Variants in CNTNAP2 observed in about 807,000 individuals in gnomAD.
The protein encoded by CNTNAP2 is contactin associated protein 2.
CNTNAP2 carries 98 observed loss-of-function variants against 155.2 expected under a neutral mutation model. The observed-to-expected ratio is 0.63, with a 90% CI of 0.54 to 0.75. The LOEUF (loss-of-function observed/expected upper bound fraction) is 0.75. Among genes scored for constraint, CNTNAP2 ranks in the 30% least tolerant of loss-of-function variants. The probability of loss-of-function intolerance (pLI) is 0.00; values close to 1 mark genes in which losing one functional copy is unlikely to be tolerated. For missense variants in CNTNAP2, 1,727 were observed against 1,688.1 expected (o/e 1.02, Z -0.40); for synonymous variants, 651 against 631.2 (o/e 1.03, Z -0.47).
intron 1 of CNTNAP2, among the ~76,000 whole-genome samples, chr7:146,191,985 A>G (rs1049239779): frequency 3.9e-5 from 6 of 152,230 alleles, no homozygotes; most frequent in African/African-American, 1.4e-4. Context: ...AGACAGGCAT[A>G]GGAAATCACA....
chr7:147,210,567 T>A (rs1803125873), intron 8 of CNTNAP2, among the ~76,000 whole-genome samples: 1 of 151,958 alleles, frequency 6.6e-6, no homozygotes, highest in African/African-American at 2.4e-5. Flanking sequence ...TGATTCTTTG[T>A]AATGGTTTTT....
chr7:147,214,125 A>G (rs1202780971), intron 8 of CNTNAP2, among the ~76,000 whole-genome samples: 1 of 152,170 alleles, frequency 6.6e-6, no homozygotes, highest in Admixed American at 6.6e-5. Context: ...GTCAACACCT[A>G]AAATTAACCA....
At chr7:148,120,776 C>G (rs1464491651) in intron 16 of CNTNAP2, among the ~76,000 whole-genome samples, 2 of 152,128 alleles carry the variant, frequency 1.3e-5, no homozygotes, top group African/African-American at 4.8e-5. Flanking sequence ...TCCCTCAGAG[C>G]CCCCTGTATC....
intron 11 of CNTNAP2, among the ~76,000 whole-genome samples, chr7:147,532,425 C>T (rs1035217946): frequency 2.6e-5 from 4 of 152,194 alleles, no homozygotes; most frequent in Admixed American, 1.3e-4. Context: ...TCACTATCAG[C>T]ATTTTGGACA....
intron 15 of CNTNAP2, among the ~76,000 whole-genome samples, chr7:148,034,289 C>G (rs558563504): frequency 5.3e-5 from 8 of 152,236 alleles, no homozygotes; most frequent in Non-Finnish European, 7.4e-5. Context: ...TCCTCATTAT[C>G]AGGGCTATGG....
At chr7:147,860,283 G>A (rs909772261) in intron 13 of CNTNAP2, among the ~76,000 whole-genome samples, 1 of 152,064 alleles carries the variant, frequency 6.6e-6, no homozygotes. Flanking sequence ...AAATTAGCTG[G>A]GCACGGTGGT....
rs1471132518 is a variant in CNTNAP2, at chr7:146,970,454, GA to G, written c.403-73447del. 5.9e-5 allele frequency among the ~76,000 whole-genome samples: 9 copies of G among 152,262 alleles called. No individual in the cohort carries two copies. The East Asian group carries it at 1.7e-3, about 29-fold the overall frequency. ...ACATTTATGCAGCCAAAAAATACAT[GA>G]AAAAATGCTCACCATCACTGTCCAT... On this transcript the variant is annotated intron_variant, in intron 3 of 23. Coordinates refer to ENST00000361727, the MANE Select transcript of CNTNAP2 (RefSeq NM_014141.6).
intron 15 of CNTNAP2, among the ~76,000 whole-genome samples, chr7:148,000,257 G>C (rs1287818589): frequency 6.6e-6 from 1 of 152,160 alleles, no homozygotes; most frequent in Non-Finnish European, 1.5e-5. Flanking sequence ...CTCCATTCCT[G>C]GTGCTCCTCT....
intron 1 of CNTNAP2, among the ~76,000 whole-genome samples, chr7:146,722,766 C>G (rs1470398083): frequency 6.6e-6 from 1 of 152,062 alleles, no homozygotes; most frequent in Non-Finnish European, 1.5e-5. Flanking sequence ...CCTGTAATCC[C>G]AGCACTTTGG....
chr7:146,693,213 A>G (rs1268730796), intron 1 of CNTNAP2, among the ~76,000 whole-genome samples: 2 of 152,116 alleles, frequency 1.3e-5, no homozygotes, highest in Non-Finnish European at 2.9e-5. Flanking sequence ...AGTTTAATAA[A>G]ATGGCTCTGC....
chr7:148,226,707 G>A (rs1247982347), intron 19 of CNTNAP2, among the ~76,000 whole-genome samples: 1 of 152,208 alleles, frequency 6.6e-6, no homozygotes, highest in Non-Finnish European at 1.5e-5. Context: ...CCTCCCACGT[G>A]CTCGCAGGCC....
At chr7:146,964,768 AT>A in intron 3 of CNTNAP2, among the ~76,000 whole-genome samples, 1 of 152,170 alleles carries the variant, frequency 6.6e-6, no homozygotes, top group East Asian at 1.9e-4. Context: ...CAGCCAAACG[AT>A]GTCAGTTTCT....
chr7:146,305,232 A>G (rs1563029587), intron 1 of CNTNAP2, among the ~76,000 whole-genome samples: 1 of 152,110 alleles, frequency 6.6e-6, no homozygotes, highest in African/African-American at 2.4e-5. Context: ...TCTTTAGCTC[A>G]GAGAAGTTTG....
intron 21 of CNTNAP2, among the ~76,000 whole-genome samples, chr7:148,268,187 T>A (rs1392785048): frequency 6.6e-6 from 1 of 152,210 alleles, no homozygotes; most frequent in Non-Finnish European, 1.5e-5. Flanking sequence ...TGAGGCTGTG[T>A]ACTGTGAACT....
rs577384678 is a variant in CNTNAP2, at chr7:146,559,883, G to A, written c.98-214388G>A. Among the ~76,000 whole-genome samples the A allele has an allele frequency of 3.3e-5, 5 of 152,094 alleles. No homozygotes were observed. The South Asian group carries it at 1.0e-3, about 32-fold the overall frequency. ...AATGACACAATTACATTAAATACAT[G>A]GAAATTAAATGCCCGTCTCCTTCCT... On this transcript the variant is annotated intron_variant, in intron 1 of 23. Coordinates refer to ENST00000361727, the MANE Select transcript of CNTNAP2 (RefSeq NM_014141.6).
At chr7:147,796,581 T>TG (rs777414793) in intron 13 of CNTNAP2, among the ~76,000 whole-genome samples, 2 of 87,302 alleles carry the variant, frequency 2.3e-5, no homozygotes, top group African/African-American at 1.0e-4. Flanking sequence ...CCAGGATTTA[T>TG]TAAAAAAAAA....
intron 13 of CNTNAP2, among the ~76,000 whole-genome samples, chr7:147,887,909 C>T (rs796504603): frequency 1.9e-4 from 29 of 152,330 alleles, no homozygotes; most frequent in African/African-American, 6.5e-4. Context: ...TACAGCCTAA[C>T]TTCACAGCAT....
intron 13 of CNTNAP2, among the ~76,000 whole-genome samples, chr7:147,740,837 G>A (rs1289910839): frequency 2.0e-5 from 3 of 152,206 alleles, no homozygotes; most frequent in African/African-American, 7.2e-5. Flanking sequence ...ATGGAAGCAG[G>A]ACAGGGAAGG....
chr7:146,898,529 C>T (rs1435323206), intron 3 of CNTNAP2, among the ~76,000 whole-genome samples: 1 of 151,702 alleles, frequency 6.6e-6, no homozygotes, highest in Non-Finnish European at 1.5e-5. Flanking sequence ...ACTCTTCTTA[C>T]TGCCTAAGGA....
Sources: gnomAD v4.1 joint callset for allele counts (sites outside exome capture counted in the v4.1 genomes callset) on GRCh38, gnomAD v4.1.1 for gene constraint, MANE v1.5 for transcripts, NCBI Gene and HGNC (gene_info 2026-07-23, HGNC 2026-07-21) for gene names.